PPP6R1: variants seen among roughly 807,000 people sequenced by gnomAD.
PPP6R1 encodes serine/threonine-protein phosphatase 6 regulatory subunit 1.
Under a neutral mutation model 104.6 loss-of-function variants are expected in PPP6R1, and 39 were observed. That is an observed-to-expected ratio of 0.37 (90% CI 0.29 to 0.49). PPP6R1 has a LOEUF of 0.49. Ranked by LOEUF, PPP6R1 falls within the 20% of genes least tolerant of loss-of-function variation. The pLI is 0.98. For synonymous variants in PPP6R1, 549 were observed against 479.0 expected (o/e 1.15, Z -1.91); for missense variants, 1,181 against 1,155.8 (o/e 1.02, Z -0.32).
chr19:55,254,618 G>A (rs1040718353), intron 1 of PPP6R1, among the ~76,000 whole-genome samples: 1 of 152,182 alleles, frequency 6.6e-6, no homozygotes, highest in Non-Finnish European at 1.5e-5. Context: ...AGAAATGGAG[G>A]TCATGGGCAC....
At chr19:55,231,382 T>C (rs1271420344) in intron 21 of PPP6R1, 28 bp downstream of exon 21, 5 of 1,559,838 alleles carry the variant, frequency 3.2e-6, no homozygotes, top group South Asian at 1.2e-5. Context: ...CTTCTCCCGA[T>C]ACTAGGCAGC....
chr19:55,241,102 T>C lies in PPP6R1; in HGVS notation c.1162-23A>G, dbSNP rs1489633415. On this transcript the variant is annotated intron_variant, in intron 9 of 23. Transcript: ENST00000412770. The surrounding 1 kb of genome is among the most constrained non-coding windows in gnomAD (Gnocchi z 5.4). ...GTCCTATGGGAGGACACAGGATTGG[T>C]ACCAGAGAGGCCCCGCCCCAGCCGA... The C allele has an allele frequency of 4.8e-5, 74 of 1,547,316 alleles. No individual in the cohort carries two copies. Among genetic ancestry groups the C allele is most frequent in the Non-Finnish European group, 6.5e-5 (74 of 1,146,206 alleles).
Position 55,231,511 on chromosome 19 carries a change from T to C in PPP6R1, c.2378-20A>G, listed in dbSNP as rs1286163046. On this transcript the variant is annotated intron_variant, in intron 20 of 23. Coordinates refer to ENST00000412770, the MANE Select transcript of PPP6R1 (RefSeq NM_014931.4). ...AAGGGGCTGTGGGGGATAAGAGATC[T>C]CAGCTGCAGCTCCCAGCAAGCTCGG... is the stretch of plus-strand genomic sequence containing the variant. 1 of 1,601,070 alleles carries C rather than the reference T, an allele frequency of 6.2e-7. No homozygotes were observed. Among genetic ancestry groups the C allele is most frequent in the Non-Finnish European group, 8.5e-7 (1 of 1,173,194 alleles).
Position 55,231,724 on chromosome 19 carries a change from T to C in PPP6R1, c.2307-56A>G, listed in dbSNP as rs575136073. 18 of 1,522,028 alleles carry C rather than the reference T, an allele frequency of 1.2e-5. No individual in the cohort carries two copies. In the South Asian group the frequency reaches 2.3e-4, roughly 20 times the overall value. 94.3% of individuals were successfully genotyped at this position (1,522,028 alleles called of 1,614,324 possible). On this transcript the variant is annotated intron_variant, in intron 19 of 23. Transcript: ENST00000412770. Reference sequence around the variant, plus strand: ...CAGCTAGGGTTAGCACTCGAGCCTATGAGAGGACGGGGACCCCATGGCCAC... The same window carrying C: ...CAGCTAGGGTTAGCACTCGAGCCTACGAGAGGACGGGGACCCCATGGCCAC...
Position 55,241,442 on chromosome 19 carries a change from C to A in PPP6R1, c.1008+35G>T. The A allele has an allele frequency of 6.3e-7, 1 of 1,596,226 alleles. No homozygotes were observed. On this transcript the variant is annotated intron_variant, in intron 8 of 23. Coordinates refer to ENST00000412770, the MANE Select transcript of PPP6R1 (RefSeq NM_014931.4). This position sits in a 1 kb window ranked among gnomAD's most constrained non-coding sequence, Gnocchi z 5.4. The stretch of plus-strand genomic sequence containing the variant: ...CCAAGGGCTGCCCTTCCTGCTTCCC[C>A]CGCCTCCCCGAGGACCAGAACCCAC...
In PPP6R1 at chr19:55,232,184, G is replaced by A. The variant is rs371481678; in HGVS notation, c.2016C>T (p.Asp672=). 308 of 1,558,886 alleles carry A rather than the reference G, an allele frequency of 2.0e-4. 1 individual carries two copies. The highest frequency in any genetic ancestry group is 5.2e-4 in the Middle Eastern group (3 of 5,794). The change falls in exon 18 of 24, where the codon GAC becomes GAT. Residue 672 remains aspartate (D), a synonymous_variant. Transcript: ENST00000412770. ...VRSGGSTDSE[D]EEEEDEEEEE... ...CCTCCTCCTCGTCCTCCTCTTCTTC[G>A]TCCTCACTGTCTGTGCTGCCTCCAC...
intron 20 of PPP6R1, 45 bp downstream of exon 20, chr19:55,231,553 C>G: frequency 1.2e-6 from 2 of 1,600,322 alleles, no homozygotes; most frequent in Non-Finnish European, 1.7e-6. Context: ...CCAGGCTGCT[C>G]TCTCTGCCCA....
At position 55,232,112 on chromosome 19, in the gene PPP6R1, G is replaced by A. The variant is rs1231083453; in HGVS notation, c.2088C>T (p.Thr696=). The part of the protein sequence containing the change: ...GIGCAARGGA[T]PLSYPSPGPQ... ...GGCCAGGGCTGGGGTAGGACAGAGG[G>A]GTGGCCCCTCCACGGGCTGCACAGC... Residue 696 remains threonine (T), a synonymous_variant, in exon 18 of 24, where the codon ACC becomes ACT. Coordinates refer to ENST00000412770, the MANE Select transcript of PPP6R1 (RefSeq NM_014931.4). 6 of 1,606,154 alleles carry A rather than the reference G, an allele frequency of 3.7e-6. No individual in the cohort carries two copies. Among genetic ancestry groups the A allele is most frequent in the African/African-American group, 2.7e-5 (2 of 74,922 alleles).
downstream of PPP6R1, chr19:55,228,989 C>A (rs1250246856): frequency 6.1e-6 from 3 of 492,868 alleles, no homozygotes; most frequent in Non-Finnish European, 1.1e-5. Context: ...TCCTATCTGC[C>A]TGGGGAGGTT....
chr19:55,234,536 A>C (rs1001844839), intron 17 of PPP6R1, among the ~76,000 whole-genome samples: 2 of 152,232 alleles, frequency 1.3e-5, no homozygotes, highest in South Asian at 4.1e-4. Flanking sequence ...AAACCATAGA[A>C]ATAATGCTAT....
chr19:55,239,660 G>A lies in PPP6R1; in HGVS notation c.1587C>T (p.Ser529=), dbSNP rs1311237411. 2 of 1,611,926 alleles carry A rather than the reference G, an allele frequency of 1.2e-6. No individual in the cohort carries two copies. Among genetic ancestry groups the A allele is most frequent in the East Asian group, 4.5e-5 (2 of 44,846 alleles). The part of the protein sequence containing the change: ...VDLVNTHHLH[S]SSDDEDDRLK... ...GCCGGTCGTCCTCATCGTCACTGGA[G>A]GAGTGTAGGTGGTGGGTGTTCACCT... is the stretch of plus-strand genomic sequence containing the variant. Residue 529 remains serine (S), a synonymous_variant, in exon 14 of 24, where the codon TCC becomes TCT. Coordinates refer to ENST00000412770, the MANE Select transcript of PPP6R1 (RefSeq NM_014931.4).
chr19:55,242,131 G>T, intron 7 of PPP6R1, 35 bp downstream of exon 7: 1 of 1,586,750 alleles, frequency 6.3e-7, no homozygotes. Context: ...CCTGGGGATG[G>T]GCAGCATGCA....
At chr19:55,231,699 C>G in intron 19 of PPP6R1, 31 bp from the exon 20 acceptor site, 1 of 1,567,530 alleles carries the variant, frequency 6.4e-7, no homozygotes, top group Non-Finnish European at 8.6e-7. Context: ...CCCAAGGGGG[C>G]AGCTAGGGTT....
chr19:55,236,467 G>A, intron 17 of PPP6R1, 176 bp downstream of exon 17: 1 of 698,310 alleles, frequency 1.4e-6, no homozygotes, highest in East Asian at 2.9e-5. Flanking sequence ...ACCATGCTTG[G>A]CCTTGAATTA....
At chr19:55,233,519 C>T (rs993082599) in intron 17 of PPP6R1, among the ~76,000 whole-genome samples, 1 of 152,190 alleles carries the variant, frequency 6.6e-6, no homozygotes, top group Non-Finnish European at 1.5e-5. Flanking sequence ...ACTCTATTCA[C>T]ATGACATGAT....
intron 1 of PPP6R1, 69 bp from the exon 2 acceptor site, chr19:55,247,178 C>G (rs756892493): frequency 6.7e-7 from 1 of 1,490,858 alleles, no homozygotes; most frequent in Non-Finnish European, 9.2e-7. Flanking sequence ...GAGGCACTGA[C>G]CACAGGGGCT....
chr19:55,236,935 G>A lies in PPP6R1; in HGVS notation c.1787C>T (p.Ser596Phe). 2 of 1,613,452 alleles carry A rather than the reference G, an allele frequency of 1.2e-6. No individual in the cohort carries two copies. Among genetic ancestry groups the A allele is most frequent in the Non-Finnish European group, 1.7e-6 (2 of 1,179,362 alleles). The change falls in exon 16 of 24, where the codon TCC (serine) becomes TTC (phenylalanine). Residue 596 changes from serine (S) to phenylalanine (F), a missense_variant. Transcript: ENST00000412770. ...PFDKTANITF[S>F]LNADDENPNA... Reference sequence around the variant, plus strand: ...CACGTTCTCATCGTCAGCATTGAGGGAGAAGGTGATGTTGGCTGTCTTGTC... The same window carrying A: ...CACGTTCTCATCGTCAGCATTGAGGAAGAAGGTGATGTTGGCTGTCTTGTC...
chr19:55,230,962 G>T, intron 21 of PPP6R1, 78 bp from the exon 22 acceptor site: 2 of 1,255,152 alleles, frequency 1.6e-6, no homozygotes, highest in Non-Finnish European at 2.3e-6. Context: ...CCACCCGACT[G>T]AAGTCGGCTC....
chr19:55,233,581 A>G (rs2122535340), intron 17 of PPP6R1, among the ~76,000 whole-genome samples: 1 of 152,366 alleles, frequency 6.6e-6, no homozygotes, highest in South Asian at 2.1e-4. Context: ...GAACTCATAC[A>G]TTAGTTCAGC....
Sources: allele counts gnomAD v4.1 joint callset (sites outside exome capture counted in the v4.1 genomes callset), GRCh38; gene constraint gnomAD v4.1.1; non-coding constraint Gnocchi (gnomAD v3.1); transcripts MANE v1.5; gene names NCBI Gene and HGNC (gene_info 2026-07-23, HGNC 2026-07-21).